The following C3orf70 variants were observed in gnomAD, a reference collection of about 807,000 sequenced individuals.
C3orf70 encodes the protein UPF0524 protein C3orf70.
In C3orf70, 15 loss-of-function variants were observed where a neutral mutation model predicts 20.7. The observed-to-expected ratio is 0.72, with a 90% CI of 0.48 to 1.11. The LOEUF is 1.11. Among genes scored for constraint, C3orf70 ranks in the 50% most tolerant of loss-of-function variants. C3orf70 has a pLI of 0.00. For synonymous variants in C3orf70, 161 were observed against 125.7 expected (o/e 1.28, Z -1.88); for missense variants, 332 against 317.6 (o/e 1.05, Z -0.34).
intron 1 of C3orf70, among the ~76,000 whole-genome samples, chr3:185,100,855 A>G (rs1403464915): frequency 6.6e-6 from 1 of 152,212 alleles, no homozygotes; most frequent in Non-Finnish European, 1.5e-5. Flanking sequence ...CAAAGGGCAT[A>G]TTACAAATGA....
intron 1 of C3orf70, among the ~76,000 whole-genome samples, chr3:185,143,707 C>T (rs1716801803): frequency 6.6e-6 from 1 of 152,190 alleles, no homozygotes; most frequent in Admixed American, 6.5e-5. Context: ...GCAACCAGGA[C>T]TCCTCTATTA....
rs1438865173 is a variant in C3orf70, at chr3:185,078,752, T to C, written c.*4255A>G. 2 of 152,198 alleles carry C rather than the reference T, an allele frequency of 1.3e-5. No homozygotes were observed. Among genetic ancestry groups the C allele is most frequent in the African/African-American group, 4.8e-5 (2 of 41,448 alleles). 9.4% of individuals were successfully genotyped at this position (152,198 alleles called of 1,614,324 possible). A position where few individuals can be genotyped will look rare whatever the true frequency, so the allele number is the denominator to read the frequency against. On this transcript the variant is annotated 3_prime_UTR_variant, in exon 2 of 2. Coordinates refer to ENST00000335012, the MANE Select transcript of C3orf70 (RefSeq NM_001025266.3). ...ATGTAAAAAAGCCAGAACGTGACCA[T>C]AAAATTTTGCAAACAAGATGTGGGA...
At chr3:185,131,141 G>A (rs191106697) in intron 1 of C3orf70, among the ~76,000 whole-genome samples, 34 of 152,274 alleles carry the variant, frequency 2.2e-4, no homozygotes, top group African/African-American at 8.2e-4. Context: ...TGTGATTACT[G>A]CCATGCCAGC....
intron 1 of C3orf70, among the ~76,000 whole-genome samples, chr3:185,144,522 A>C (rs181853471): frequency 6.6e-6 from 1 of 152,160 alleles, no homozygotes; most frequent in Non-Finnish European, 1.5e-5. Flanking sequence ...CCCAGGCTGG[A>C]GTGCAGTGGC....
chr3:185,090,522 ATATAAT>A (rs1488304238), intron 1 of C3orf70, among the ~76,000 whole-genome samples: 2 of 152,212 alleles, frequency 1.3e-5, no homozygotes, highest in Admixed American at 6.5e-5. Context: ...TGCAAGCAAA[ATATAAT>A]TAGAAAGGTA....
intron 1 of C3orf70, among the ~76,000 whole-genome samples, chr3:185,092,649 TAA>T (rs1715616626): frequency 6.6e-6 from 1 of 152,012 alleles, no homozygotes; most frequent in East Asian, 1.9e-4. Context: ...TTAAAACCAA[TAA>T]AAGTGATAGG....
chr3:185,085,641 G>A (rs777915721), intron 1 of C3orf70, among the ~76,000 whole-genome samples: 3 of 151,080 alleles, frequency 2.0e-5, no homozygotes, highest in African/African-American at 2.4e-5. Context: ...TATACCAGGC[G>A]TCTTCATTTC....
At chr3:185,151,666 T>G (rs1716992261) in intron 1 of C3orf70, among the ~76,000 whole-genome samples, 1 of 131,542 alleles carries the variant, frequency 7.6e-6, no homozygotes, top group Admixed American at 7.2e-5. Context: ...TTGTCAGCTA[T>G]TTTTTTCTCA....
At chr3:185,103,433 G>T (rs1428063543) in intron 1 of C3orf70, among the ~76,000 whole-genome samples, 3 of 151,968 alleles carry the variant, frequency 2.0e-5, no homozygotes, top group Non-Finnish European at 4.4e-5. Flanking sequence ...CATGGGAGAA[G>T]ATTTTTGCAA....
chr3:185,111,874 T>C (rs959524256), intron 1 of C3orf70, among the ~76,000 whole-genome samples: 2 of 152,198 alleles, frequency 1.3e-5, no homozygotes, highest in Non-Finnish European at 2.9e-5. Flanking sequence ...AATTATATTA[T>C]TTGCCTGACA....
At chr3:185,087,569 C>T (rs767740061) in intron 1 of C3orf70, among the ~76,000 whole-genome samples, 1 of 152,178 alleles carries the variant, frequency 6.6e-6, no homozygotes, top group Non-Finnish European at 1.5e-5. Context: ...CACAGTAAGA[C>T]AAATACTCTG....
At chr3:185,098,978 G>A (rs780283921) in intron 1 of C3orf70, among the ~76,000 whole-genome samples, 2 of 152,200 alleles carry the variant, frequency 1.3e-5, no homozygotes, top group Non-Finnish European at 2.9e-5. Context: ...ATAATCACGT[G>A]AGCCAATTCC....
rs142152683 is a variant in C3orf70 at position 185,083,056 on chromosome 3, G to A, written c.704C>T (p.Pro235Leu). 6.2e-7 allele frequency: 1 copy of A among 1,614,144 alleles called. No individual in the cohort carries two copies. Among genetic ancestry groups the A allele is most frequent in the South Asian group, 1.1e-5 (1 of 91,068 alleles). The change falls in exon 2 of 2, where the codon CCC (proline) becomes CTC (leucine). Residue 235 changes from proline to leucine, a missense_variant. By Grantham distance (98) the Pro-to-Leu change is moderately conservative. Transcript: ENST00000335012. ...AATCACTTCCAGGTCAGACTGCGAG[G>A]GGGAGAGAAGGGTGCACTCATCCGG... is the stretch of plus-strand genomic sequence containing the variant. ...WEPDECTLLS[P>L]SQSDLEVIET...
At position 185,152,780 on chromosome 3, in the gene C3orf70, C is replaced by T; in HGVS notation, c.44G>A (p.Ser15Asn). ...ASPASERGWKSEKLDEAQALA... is the reference protein window; with the variant it reads ...ASPASERGWKNEKLDEAQALA... ...GGCCTGAGCCTCATCTAGTTTCTCG[C>T]TCTTCCAACCCCGCTCCGACGCCGG... The change falls in exon 1 of 2, where the codon AGC (serine) becomes AAC (asparagine). Residue 15 changes from serine to asparagine, a missense_variant. By Grantham distance (46) the Ser-to-Asn change is conservative. Transcript: ENST00000335012. 4 of 1,578,840 alleles carry T rather than the reference C, an allele frequency of 2.5e-6. No homozygotes were observed. The highest frequency in any genetic ancestry group is 3.4e-6 in the Non-Finnish European group (4 of 1,163,150).
At chr3:185,094,215 T>C (rs1715654925) in intron 1 of C3orf70, among the ~76,000 whole-genome samples, 1 of 151,190 alleles carries the variant, frequency 6.6e-6, no homozygotes, top group Admixed American at 6.6e-5. Flanking sequence ...GTAGCTGGGA[T>C]TACAGGCATG....
At chr3:185,138,011 AAAG>A (rs766286625) in intron 1 of C3orf70, among the ~76,000 whole-genome samples, 2 of 152,210 alleles carry the variant, frequency 1.3e-5, no homozygotes, top group Non-Finnish European at 2.9e-5. Context: ...CAAGACAGAC[AAAG>A]AATAAAGACA....
intron 1 of C3orf70, among the ~76,000 whole-genome samples, chr3:185,136,859 G>A (rs745934029): frequency 6.6e-6 from 1 of 152,056 alleles, no homozygotes; most frequent in African/African-American, 2.4e-5. Flanking sequence ...GCAGTGAGCC[G>A]AGATTGCGCC....
At position 185,110,750 on chromosome 3, in the gene C3orf70, G is replaced by T. The variant is rs538441850; in HGVS notation, c.197-27187C>A. Among the ~76,000 whole-genome samples the T allele has an allele frequency of 5.3e-5, 8 of 152,376 alleles. No homozygotes were observed. The South Asian group carries it at 1.7e-3, about 32-fold the overall frequency. On this transcript the variant is annotated intron_variant, in intron 1 of 1. Coordinates refer to ENST00000335012, the MANE Select transcript of C3orf70 (RefSeq NM_001025266.3). ...TTAAGCCACAAACAATAGCATGAGCGATCTGTGCCTTAAGGACATGCTCCT... is the reference window on the plus strand; with the variant it reads ...TTAAGCCACAAACAATAGCATGAGCTATCTGTGCCTTAAGGACATGCTCCT...
At chr3:185,139,405 G>T (rs1425532250) in intron 1 of C3orf70, among the ~76,000 whole-genome samples, 4 of 151,362 alleles carry the variant, frequency 2.6e-5, no homozygotes, top group Non-Finnish European at 5.9e-5. Context: ...ATACGAAAAT[G>T]AGCCAGGTGT....
Sources: gnomAD v4.1 joint callset for allele counts (sites outside exome capture counted in the v4.1 genomes callset) on GRCh38, gnomAD v4.1.1 for gene constraint, MANE v1.5 for transcripts, NCBI Gene and HGNC (gene_info 2026-07-23, HGNC 2026-07-21) for gene names.